TLL1: variants seen among roughly 807,000 people sequenced by gnomAD.
The protein encoded by TLL1 is tolloid like 1.
Under a neutral mutation model 128.2 loss-of-function variants are expected in TLL1, and 49 were observed. The observed-to-expected ratio is 0.38, with a 90% CI of 0.30 to 0.48. TLL1 has a LOEUF of 0.48. TLL1 is among the 20% of genes least tolerant of loss of function. The pLI, the probability that TLL1 is intolerant of heterozygous loss-of-function variation, is 0.96. For missense variants in TLL1, 1,123 were observed against 1,242.0 expected (o/e 0.90, Z 1.44); for synonymous variants, 454 against 418.8 (o/e 1.08, Z -1.03).
Position 165,874,062 on chromosome 4 carries a change from C to G in TLL1, c.158C>G (p.Pro53Arg), listed in dbSNP as rs774683617. 3 of 1,613,966 alleles carry G rather than the reference C, an allele frequency of 1.9e-6. No homozygotes were observed. Among genetic ancestry groups the G allele is most frequent in the Non-Finnish European group, 2.5e-6 (3 of 1,179,984 alleles). ...ACAGAGACTATAGATTACAAGGACC[C>G]GTGTAAAGCCGGTAAGTGGCTCTCC... The part of the protein sequence containing the change: ...DKTETIDYKD[P>R]CKAAVFWGDI... Residue 53 changes from proline to arginine, a missense_variant, in exon 1 of 21, where the codon CCG (proline) becomes CGG (arginine). Pro to Arg is a moderately radical substitution (Grantham distance 103). Transcript: ENST00000061240.
chr4:166,064,557 A>C (rs898031807), intron 15 of TLL1, among the ~76,000 whole-genome samples: 1 of 152,052 alleles, frequency 6.6e-6, no homozygotes, highest in Non-Finnish European at 1.5e-5. Flanking sequence ...CTGTTACAGA[A>C]TTCTCTGTAT....
intron 9 of TLL1, among the ~76,000 whole-genome samples, chr4:166,028,104 T>G (rs748246029): frequency 6.7e-6 from 1 of 148,596 alleles, no homozygotes; most frequent in Non-Finnish European, 1.5e-5. Context: ...TTCTGCTGGG[T>G]TTTTTTTCTT....
At chr4:165,905,209 A>C (rs1353825141) in intron 1 of TLL1, among the ~76,000 whole-genome samples, 1 of 152,222 alleles carries the variant, frequency 6.6e-6, no homozygotes, top group Non-Finnish European at 1.5e-5. Context: ...ATTCGTATAC[A>C]TTTACCAAAG....
intron 18 of TLL1, among the ~76,000 whole-genome samples, chr4:166,082,405 T>A (rs1287560434): frequency 3.9e-5 from 6 of 152,216 alleles, no homozygotes; most frequent in Non-Finnish European, 5.9e-5. Context: ...TTTGACATTA[T>A]AATTGCTTGT....
chr4:165,987,188 G>A (rs1373280895), intron 1 of TLL1, among the ~76,000 whole-genome samples: 1 of 152,056 alleles, frequency 6.6e-6, no homozygotes, highest in Non-Finnish European at 1.5e-5. Flanking sequence ...GAAGAGACAG[G>A]CTGAGAGTCC....
At chr4:165,951,259 TACAA>T (rs1012464685) in intron 1 of TLL1, among the ~76,000 whole-genome samples, 2 of 152,096 alleles carry the variant, frequency 1.3e-5, no homozygotes, top group Non-Finnish European at 2.9e-5. Flanking sequence ...TTTAAAATCT[TACAA>T]ACAGAGAAAA....
At chr4:166,009,383 T>C (rs1053962816) in intron 7 of TLL1, among the ~76,000 whole-genome samples, 1 of 151,454 alleles carries the variant, frequency 6.6e-6, no homozygotes, top group East Asian at 1.9e-4. Context: ...AGAAAAACAA[T>C]TTATTCTTTT....
intron 1 of TLL1, among the ~76,000 whole-genome samples, chr4:165,954,386 A>C (rs1239193313): frequency 6.6e-6 from 1 of 152,160 alleles, no homozygotes; most frequent in Non-Finnish European, 1.5e-5. Context: ...TGGGCTTATA[A>C]AAAGATAAAT....
At chr4:166,042,005 T>G in intron 10 of TLL1, 22 bp from the exon 11 acceptor site, 1 of 1,542,012 alleles carries the variant, frequency 6.5e-7, no homozygotes, top group Non-Finnish European at 9.0e-7. Context: ...GGAGTTTCTC[T>G]TTATTCTTTT....
At chr4:165,925,694 T>C (rs1733237782) in intron 1 of TLL1, among the ~76,000 whole-genome samples, 1 of 152,200 alleles carries the variant, frequency 6.6e-6, no homozygotes, top group Non-Finnish European at 1.5e-5. Context: ...AGTTCTATTG[T>C]AGGTAAAATG....
At chr4:166,092,867 G>A (rs1242316711) in intron 19 of TLL1, among the ~76,000 whole-genome samples, 1 of 152,108 alleles carries the variant, frequency 6.6e-6, no homozygotes. Context: ...TAACTAGCAG[G>A]AAACTTTTGA....
At chr4:166,081,115 G>T (rs1415966282) in intron 18 of TLL1, among the ~76,000 whole-genome samples, 1 of 152,186 alleles carries the variant, frequency 6.6e-6, no homozygotes, top group East Asian at 1.9e-4. Context: ...TTCCATGGGA[G>T]AGAGTTTCTT....
At chr4:165,946,385 G>C (rs1734249668) in intron 1 of TLL1, among the ~76,000 whole-genome samples, 1 of 151,830 alleles carries the variant, frequency 6.6e-6, no homozygotes, top group Admixed American at 6.6e-5. Flanking sequence ...ATCCAGGCTT[G>C]AGTGCAGTGG....
chr4:166,014,131 AAC>A (rs1002958367), intron 7 of TLL1, among the ~76,000 whole-genome samples: 16 of 151,848 alleles, frequency 1.1e-4, no homozygotes, highest in African/African-American at 3.9e-4. Context: ...CTGCTTGGGA[AAC>A]CAAAACAAAT....
At chr4:166,061,704 A>G (rs1241563206) in intron 15 of TLL1, among the ~76,000 whole-genome samples, 1 of 152,156 alleles carries the variant, frequency 6.6e-6, no homozygotes, top group Non-Finnish European at 1.5e-5. Context: ...TTTGCTGTGC[A>G]GAAGCTCTTT....
chr4:166,095,549 T>G (rs1741979874), intron 19 of TLL1, among the ~76,000 whole-genome samples: 1 of 152,114 alleles, frequency 6.6e-6, no homozygotes, highest in Non-Finnish European at 1.5e-5. Context: ...TAAAACATCA[T>G]GCTCTTTGTC....
intron 1 of TLL1, among the ~76,000 whole-genome samples, chr4:165,921,026 T>A (rs1733017785): frequency 6.6e-6 from 1 of 152,178 alleles, no homozygotes; most frequent in African/African-American, 2.4e-5. Flanking sequence ...GGGAAGAGCG[T>A]GGAACATGCA....
At chr4:166,056,504 A>G (rs1740013735) in intron 13 of TLL1, among the ~76,000 whole-genome samples, 1 of 151,998 alleles carries the variant, frequency 6.6e-6, no homozygotes, top group South Asian at 2.1e-4. Context: ...TATATAAGAA[A>G]CACAATGTTT....
intron 1 of TLL1, among the ~76,000 whole-genome samples, chr4:165,932,702 T>C (rs1416039159): frequency 6.6e-6 from 1 of 152,102 alleles, no homozygotes; most frequent in African/African-American, 2.4e-5. Flanking sequence ...TGGAATTTCT[T>C]GTCAGAAAAG....
Sources: gnomAD v4.1 joint callset for allele counts (sites outside exome capture counted in the v4.1 genomes callset) on GRCh38, gnomAD v4.1.1 for gene constraint, MANE v1.5 for transcripts, NCBI Gene and HGNC (gene_info 2026-07-23, HGNC 2026-07-21) for gene names.